Variants in DENND5A observed in about 807,000 individuals in gnomAD.
The protein encoded by DENND5A is DENN domain-containing protein 5A.
A neutral mutation model predicts 140.3 loss-of-function variants in DENND5A; 64 were observed. That is an observed-to-expected ratio of 0.46 (90% CI 0.37 to 0.56). The LOEUF is 0.56. Among genes scored for constraint, DENND5A ranks in the 20% least tolerant of loss-of-function variants. DENND5A has a pLI of 0.00. For missense variants in DENND5A, 1,292 were observed against 1,593.8 expected, an observed-to-expected ratio of 0.81 and a Z score of 3.22; for synonymous variants, 605 against 607.7, an observed-to-expected ratio of 1.00 and a Z score of 0.07.
intron 10 of DENND5A, among the ~76,000 whole-genome samples, chr11:9,169,488 T>TACACACACAC (rs1373451205): frequency 2.8e-5 from 3 of 106,932 alleles, no homozygotes; most frequent in African/African-American, 1.2e-4. Context: ...TTTTCCTATA[T>TACACACACAC]ACACACGCAC....
chr11:9,193,476 C>A lies in DENND5A; in HGVS notation c.1137+18G>T. On this transcript the variant is annotated intron_variant, in intron 5 of 22. Coordinates refer to ENST00000328194, the MANE Select transcript of DENND5A (RefSeq NM_015213.4). ...AATCCTGGATTGGGGCCAGAGGCAC[C>A]AACACTCAAGATCTCACCTCTTGAG... The A allele has an allele frequency of 6.4e-7, 1 of 1,565,670 alleles. No individual in the cohort carries two copies.
At chr11:9,157,735 G>A (rs561606045) in intron 12 of DENND5A, among the ~76,000 whole-genome samples, 1 of 152,270 alleles carries the variant, frequency 6.6e-6, no homozygotes, top group East Asian at 1.9e-4. Context: ...GTCTACCGTT[G>A]ATGGCCATTT....
At chr11:9,229,021 C>T (rs1003889911) in intron 1 of DENND5A, among the ~76,000 whole-genome samples, 5 of 152,136 alleles carry the variant, frequency 3.3e-5, no homozygotes, top group Admixed American at 6.5e-5. Context: ...TACAGACGGG[C>T]GGCAATCTGG....
intron 22 of DENND5A, among the ~76,000 whole-genome samples, chr11:9,140,597 A>G (rs956174340): frequency 7.9e-5 from 12 of 152,160 alleles, no homozygotes; most frequent in African/African-American, 2.9e-4. Context: ...TATGAAAAGA[A>G]TCTTTCTCTG....
Position 9,180,949 on chromosome 11 carries a change from T to C in DENND5A, c.1273A>G (p.Asn425Asp), listed in dbSNP as rs765155006. Residue 425 changes from asparagine (N) to aspartate (D), a missense_variant, in exon 6 of 23, where the codon AAT (asparagine) becomes GAT (aspartate). Physicochemically the swap from Asn to Asp is conservative, Grantham distance 23 (BLOSUM62 1). Transcript: ENST00000328194. ...GAGGCACTCTCACTGCAATGAAGAT[T>C]CCCTTCAGGGGGAATTCCAAATGCC... ...LMAFGIPPEG[N>D]LHCSESASKL... 1 of 1,614,176 alleles carries C rather than the reference T, an allele frequency of 6.2e-7. No homozygotes were observed. The highest frequency in any genetic ancestry group is 8.5e-7 in the Non-Finnish European group (1 of 1,180,036).
At chr11:9,145,872 G>C in intron 16 of DENND5A, 57 bp from the exon 17 acceptor site, 1 of 1,571,246 alleles carries the variant, frequency 6.4e-7, no homozygotes, top group Non-Finnish European at 8.7e-7. Flanking sequence ...TCCCATACCA[G>C]ATGGGACTCT....
intron 8 of DENND5A, chr11:9,175,839 C>T (rs752443062): frequency 4.4e-4 from 67 of 152,196 alleles, no homozygotes; most frequent in African/African-American, 1.4e-3. Flanking sequence ...GAGACTTGAA[C>T]GTAAAACCTA....
Position 9,193,476 on chromosome 11 carries a change from C to T in DENND5A, c.1137+18G>A, listed in dbSNP as rs1849210295. ...AATCCTGGATTGGGGCCAGAGGCAC[C>T]AACACTCAAGATCTCACCTCTTGAG... On this transcript the variant is annotated intron_variant, in intron 5 of 22. Transcript: ENST00000328194. 1 of 1,565,672 alleles carries T rather than the reference C, an allele frequency of 6.4e-7. No homozygotes were observed. The highest frequency in any genetic ancestry group is 2.3e-5 in the East Asian group (1 of 43,070).
intron 1 of DENND5A, among the ~76,000 whole-genome samples, chr11:9,208,995 C>A (rs868656631): frequency 2.0e-5 from 3 of 152,312 alleles, no homozygotes; most frequent in Middle Eastern, 3.4e-3. Context: ...ATAATGATCT[C>A]GTCTACAGTC....
intron 1 of DENND5A, among the ~76,000 whole-genome samples, chr11:9,248,485 T>A (rs532305409): frequency 6.6e-6 from 1 of 151,868 alleles, no homozygotes; most frequent in South Asian, 2.1e-4. Flanking sequence ...ACACTCACTA[T>A]CTCTACAAAA....
chr11:9,172,446 T>C (rs1389218088), intron 8 of DENND5A, among the ~76,000 whole-genome samples: 1 of 152,224 alleles, frequency 6.6e-6, no homozygotes, highest in African/African-American at 2.4e-5. Context: ...TTTGGCTCCA[T>C]GTCCGCACCC....
At chr11:9,223,108 G>A (rs369949304) in intron 1 of DENND5A, among the ~76,000 whole-genome samples, 1 of 152,276 alleles carries the variant, frequency 6.6e-6, no homozygotes, top group East Asian at 1.9e-4. Flanking sequence ...TGTAATAGCC[G>A]GCTGGGCGCG....
Position 9,206,741 on chromosome 11 carries a change from A to T in DENND5A, c.223T>A (p.Ser75Thr). 1.9e-6 allele frequency: 3 copies of T among 1,613,922 alleles called. No homozygotes were observed. The highest frequency in any genetic ancestry group is 2.5e-6 in the Non-Finnish European group (3 of 1,179,904). Reference protein sequence around the residue: ...EQTPLRRTFKSKVLARYPENV... With the variant: ...EQTPLRRTFKTKVLARYPENV... ...TCAGGATATCGTGCAAGGACCTTAGATTTGAATGTTCTTCTCAATGGTGTC... is the reference window on the plus strand; with the variant it reads ...TCAGGATATCGTGCAAGGACCTTAGTTTTGAATGTTCTTCTCAATGGTGTC... The change falls in exon 3 of 23, where the codon TCT becomes ACT. Residue 75 changes from serine (S) to threonine (T), a missense_variant. Physicochemically the swap from Ser to Thr is moderately conservative, Grantham distance 58. This residue lies in a region of DENND5A where 566 missense variants were observed against 650.4 expected (regional missense o/e 0.87). Transcript: ENST00000328194.
At chr11:9,204,456 C>A in intron 3 of DENND5A, 139 bp from the exon 4 acceptor site, 1 of 736,436 alleles carries the variant, frequency 1.4e-6, no homozygotes, top group Non-Finnish European at 2.2e-6. Flanking sequence ...CTTTCTAATG[C>A]AAGACATGCA....
chr11:9,235,071 T>C (rs1355512792), intron 1 of DENND5A, among the ~76,000 whole-genome samples: 2 of 152,136 alleles, frequency 1.3e-5, no homozygotes, highest in African/African-American at 4.8e-5. Context: ...TGAAGACATT[T>C]TGGCAGTTTC....
chr11:9,244,530 C>A (rs1851381369), intron 1 of DENND5A, among the ~76,000 whole-genome samples: 1 of 152,106 alleles, frequency 6.6e-6, no homozygotes, highest in Non-Finnish European at 1.5e-5. Flanking sequence ...CCACCACGCC[C>A]AGCTAATTTT....
At chr11:9,215,738 T>C (rs1326143971) in intron 1 of DENND5A, among the ~76,000 whole-genome samples, 2 of 151,846 alleles carry the variant, frequency 1.3e-5, no homozygotes, top group African/African-American at 2.4e-5. Flanking sequence ...TTAGTAAAGA[T>C]AGGGTTTCGC....
Position 9,193,512 on chromosome 11 carries a change from C to CT in DENND5A, c.1118dup (p.Leu374AlafsTer8). The CT allele has an allele frequency of 4.3e-6, 7 of 1,609,856 alleles. No homozygotes were observed. Among genetic ancestry groups the CT allele is most frequent in the Non-Finnish European group, 5.9e-6 (7 of 1,178,150 alleles). On this transcript the variant is annotated frameshift_variant, in exon 5 of 23. Coordinates refer to ENST00000328194, the MANE Select transcript of DENND5A (RefSeq NM_015213.4). LOFTEE classifies it high-confidence loss of function. ...ATCTCACCTCTTGAGGCAGCTCCAG[C>CT]TTTGACCGGTCATCCAGGCCATTGG... is the stretch of plus-strand genomic sequence containing the variant.
Position 9,193,241 on chromosome 11 carries a change from A to G in DENND5A, c.1137+253T>C, listed in dbSNP as rs545248981. Among the ~76,000 whole-genome samples, 21 of 152,338 alleles carry G rather than the reference A, an allele frequency of 1.4e-4. No homozygotes were observed. In the South Asian group the frequency reaches 4.4e-3, roughly 32 times the overall value. On this transcript the variant is annotated intron_variant, in intron 5 of 22. Coordinates refer to ENST00000328194, the MANE Select transcript of DENND5A (RefSeq NM_015213.4). Reference sequence around the variant, plus strand: ...GACCTTGTCTCTTAAAAAGCAAAACAAAACAAAAACAATAGCATAAATACA... The same window carrying G: ...GACCTTGTCTCTTAAAAAGCAAAACGAAACAAAAACAATAGCATAAATACA...
Sources: gnomAD v4.1 joint callset for allele counts (sites outside exome capture counted in the v4.1 genomes callset) on GRCh38, gnomAD v4.1.1 for gene constraint, gnomAD v4.1.1 regional missense constraint, MANE v1.5 for transcripts, NCBI Gene and HGNC (gene_info 2026-07-23, HGNC 2026-07-21) for gene names.